Variants in SLC12A7 observed in about 807,000 individuals in gnomAD.
SLC12A7 encodes solute carrier family 12 member 7.
A neutral mutation model predicts 120.6 loss-of-function variants in SLC12A7; 100 were observed. That is an observed-to-expected ratio of 0.83 (90% CI 0.71 to 0.98). The LOEUF (loss-of-function observed/expected upper bound fraction) is 0.98. SLC12A7 is among the 50% of genes least tolerant of loss of function. The probability of loss-of-function intolerance (pLI) is 0.00; values close to 1 mark genes in which losing one functional copy is unlikely to be tolerated. For missense variants in SLC12A7, 1,373 were observed against 1,548.1 expected, an observed-to-expected ratio of 0.89 and a Z score of 1.90; for synonymous variants, 760 against 678.0, an observed-to-expected ratio of 1.12 and a Z score of -1.88.
At chr5:1,110,172 G>A (rs1488878860) in intron 1 of SLC12A7, among the ~76,000 whole-genome samples, 2 of 152,274 alleles carry the variant, frequency 1.3e-5, no homozygotes, top group African/African-American at 2.4e-5. Flanking sequence ...CCTTTCTGTG[G>A]AAGTAGGAAG....
In SLC12A7 at chr5:1,073,799, G is replaced by C; in HGVS notation, c.2075C>G (p.Pro692Arg). The change falls in exon 17 of 24, where the codon CCC becomes CGC. Residue 692 changes from proline (P) to arginine (R), a missense_variant and splice_region_variant. Transcript: ENST00000264930. ...CAGGTTCAGCATCACCAGCACCTGG[G>C]GCCTGCAGCCAGGGTGGGGCGGCTG... The part of the protein sequence containing the change: ...HGPPHTKNWR[P>R]QVLVMLNLDA... 1 of 1,415,092 alleles carries C rather than the reference G, an allele frequency of 7.1e-7. No individual in the cohort carries two copies. Among genetic ancestry groups the C allele is most frequent in the Non-Finnish European group, 9.3e-7 (1 of 1,076,860 alleles). The allele number at this position is 1,415,092 out of a possible 1,614,324, so 87.7% of individuals were successfully genotyped here. A position where few individuals can be genotyped will look rare whatever the true frequency, so the allele number is the denominator to read the frequency against.
intron 16 of SLC12A7, 78 bp from the exon 17 acceptor site, chr5:1,073,879 A>T: frequency 7.8e-7 from 1 of 1,287,920 alleles, no homozygotes; most frequent in East Asian, 2.8e-5. Context: ...GGCAGATGGG[A>T]CGGGCGGGGC....
intron 17 of SLC12A7, 76 bp from the exon 18 acceptor site, chr5:1,065,554 AG>A: frequency 7.7e-7 from 1 of 1,295,946 alleles, no homozygotes; most frequent in South Asian, 1.5e-5. Flanking sequence ...CACGGTGGCC[AG>A]GGCACCCGCA....
the SLC12A7 span, among the ~76,000 whole-genome samples, chr5:1,129,685 G>C: frequency 6.6e-6 from 1 of 152,026 alleles, no homozygotes; most frequent in East Asian, 1.9e-4. Flanking sequence ...AACACCTGGG[G>C]CACCCACTGT....
chr5:1,089,386 C>T (rs1458779059), intron 3 of SLC12A7, among the ~76,000 whole-genome samples: 1 of 152,074 alleles, frequency 6.6e-6, no homozygotes, highest in Non-Finnish European at 1.5e-5. Flanking sequence ...CGCTGTGCCT[C>T]CCCGACGGAG....
chr5:1,076,329 TC>T, intron 13 of SLC12A7, 93 bp from the exon 14 acceptor site: 1 of 1,014,912 alleles, frequency 9.9e-7, no homozygotes. Context: ...TCACTGTCCC[TC>T]CCACCTGCGC....
chr5:1,089,032 C>T lies in SLC12A7; in HGVS notation c.439G>A (p.Val147Met). 1 of 1,613,056 alleles carries T rather than the reference C, an allele frequency of 6.2e-7. No homozygotes were observed. Among genetic ancestry groups the T allele is most frequent in the Non-Finnish European group, 8.5e-7 (1 of 1,179,978 alleles). ...LFLRLTWIVG[V>M]AGVLESFLIV... The stretch of plus-strand genomic sequence containing the variant: ...AGGAAGGACTCCAGGACACCAGCCA[C>T]CCCCACGATCCACGTCAGGCGCAGG... The change falls in exon 4 of 24, where the codon GTG becomes ATG. Residue 147 changes from valine to methionine, a missense_variant. Val to Met is a conservative substitution (Grantham distance 21). Coordinates refer to ENST00000264930, the MANE Select transcript of SLC12A7 (RefSeq NM_006598.3).
chr5:1,094,815 A>C (rs1740924583), intron 1 of SLC12A7, among the ~76,000 whole-genome samples: 1 of 152,078 alleles, frequency 6.6e-6, no homozygotes, highest in African/African-American at 2.4e-5. Context: ...TAGGTAAATG[A>C]GCCCCTCCTG....
At chr5:1,121,454 A>G in the SLC12A7 span, among the ~76,000 whole-genome samples, 2 of 152,180 alleles carry the variant, frequency 1.3e-5, no homozygotes, top group African/African-American at 4.8e-5. Flanking sequence ...CCCAAGCAGG[A>G]TCGTCACCCT....
chr5:1,097,110 C>A (rs1163308810), intron 1 of SLC12A7, among the ~76,000 whole-genome samples: 1 of 152,228 alleles, frequency 6.6e-6, no homozygotes, highest in Non-Finnish European at 1.5e-5. Context: ...GGCTCCGCTG[C>A]CCGGCCTACA....
chr5:1,102,234 AGT>A (rs1002121542), intron 1 of SLC12A7, among the ~76,000 whole-genome samples: 8 of 152,082 alleles, frequency 5.3e-5, no homozygotes, highest in Admixed American at 1.3e-4. Flanking sequence ...AGGCAGTGAG[AGT>A]GTGTGTGTCA....
chr5:1,086,114 G>A (rs1739837994), intron 6 of SLC12A7, among the ~76,000 whole-genome samples: 1 of 152,180 alleles, frequency 6.6e-6, no homozygotes, highest in Admixed American at 6.5e-5. Context: ...CGGGGCAGGT[G>A]GAAAGATGGA....
chr5:1,136,399 CACCAACACCAGGACACGCAGGCACACGT>C, the SLC12A7 span, among the ~76,000 whole-genome samples: 1 of 148,202 alleles, frequency 6.7e-6, no homozygotes, highest in Admixed American at 6.7e-5. Flanking sequence ...TGTGCTCAGA[CACCAACACCAGGACACGCAGGCACACGT>C]GTGCTCAGAC....
intron 12 of SLC12A7, 139 bp downstream of exon 12, chr5:1,077,694 T>C: frequency 1.1e-6 from 1 of 883,822 alleles, no homozygotes; most frequent in East Asian, 2.9e-5. Context: ...CTCTGTGCAG[T>C]GGCCAGGGGC....
Position 1,086,982 on chromosome 5 carries a change from C to T in SLC12A7, c.596G>A (p.Gly199Asp). 5.0e-6 allele frequency: 8 copies of T among 1,612,856 alleles called. No homozygotes were observed. The highest frequency in any genetic ancestry group is 6.8e-6 in the Non-Finnish European group (8 of 1,179,996). The change falls in exon 6 of 24, where the codon GGC (glycine) becomes GAC (aspartate). Residue 199 changes from glycine to aspartate, a missense_variant. Physicochemically the swap from Gly to Asp is moderately conservative, Grantham distance 94. Coordinates refer to ENST00000264930, the MANE Select transcript of SLC12A7 (RefSeq NM_006598.3). The part of the protein sequence containing the change: ...ISRSLGPEFG[G>D]AVGLCFYLGT... ...CAGGTAGAAGCAGAGGCCGACAGCG[C>T]CTCCAAACTCGGGTCCCAGCGAGCG... is the stretch of plus-strand genomic sequence containing the variant.
At chr5:1,148,952 C>T in the SLC12A7 span, among the ~76,000 whole-genome samples, 1 of 152,200 alleles carries the variant, frequency 6.6e-6, no homozygotes, top group South Asian at 2.1e-4. Context: ...TTCAAAACAA[C>T]AGCTGCCCAT....
chr5:1,088,385 G>A (rs1169702818), intron 4 of SLC12A7, 25 bp from the exon 5 acceptor site: 1 of 1,563,260 alleles, frequency 6.4e-7, no homozygotes, highest in Non-Finnish European at 8.7e-7. Flanking sequence ...GCAGCCATCT[G>A]AGGAGAGTTT....
Position 1,068,674 on chromosome 5 carries a change from G to GC in SLC12A7, c.2242-3197dup, listed in dbSNP as rs376112007. Reference sequence around the variant, plus strand: ...GCAGGGTGCGCTCGTCCTCCCGTCCGCAAGAGCGGGCTCCTGTCTGAGGCT... The same window carrying GC: ...GCAGGGTGCGCTCGTCCTCCCGTCCGCCAAGAGCGGGCTCCTGTCTGAGGCT... On this transcript the variant is annotated intron_variant, in intron 17 of 23. Transcript: ENST00000264930. 3.1e-3 allele frequency among the ~76,000 whole-genome samples: 476 copies of GC among 152,300 alleles called. 4 individuals are homozygous for GC. The highest frequency in any genetic ancestry group is 0.011 in the African/African-American group (454 of 41,522).
intron 21 of SLC12A7, among the ~76,000 whole-genome samples, chr5:1,058,812 C>T (rs1214106741): frequency 2.6e-5 from 4 of 152,182 alleles, no homozygotes; most frequent in South Asian, 2.1e-4. Context: ...GCAGAGCCAG[C>T]GCCGCCCACC....
Sources: gnomAD v4.1 joint callset for allele counts (sites outside exome capture counted in the v4.1 genomes callset) on GRCh38, gnomAD v4.1.1 for gene constraint, MANE v1.5 for transcripts, NCBI Gene and HGNC (gene_info 2026-07-23, HGNC 2026-07-21) for gene names.